SNX29: variants seen among roughly 807,000 people sequenced by gnomAD.
SNX29 encodes sorting nexin-29.
SNX29 carries 78 observed loss-of-function variants against 102.1 expected under a neutral mutation model. The observed-to-expected ratio is 0.76, with a 90% CI of 0.64 to 0.92. The LOEUF (loss-of-function observed/expected upper bound fraction) is 0.92, where lower values mean the gene tolerates loss of function less well. Ranked by LOEUF, SNX29 falls within the 40% of genes least tolerant of loss-of-function variation. The pLI, the probability that SNX29 is intolerant of heterozygous loss-of-function variation, is 0.00. For synonymous variants in SNX29, 580 were observed against 414.5 expected (o/e 1.40, Z -4.85); for missense variants, 1,280 against 1,061.7 (o/e 1.21, Z -2.86).
chr16:12,464,232 G>GTGTGTGTGTGTGTGTGTT (rs1332314643), intron 18 of SNX29, among the ~76,000 whole-genome samples: 39 of 151,160 alleles, frequency 2.6e-4, no homozygotes, highest in African/African-American at 9.0e-4. Flanking sequence ...TCCATGGCGT[G>GTGTGTGTGTGTGTGTGTT]TGTGTGTGTG....
At chr16:12,549,040 T>G (rs2077792329) in intron 20 of SNX29, among the ~76,000 whole-genome samples, 1 of 152,216 alleles carries the variant, frequency 6.6e-6, no homozygotes, top group African/African-American at 2.4e-5. Context: ...GTATCTTAGG[T>G]GAGTCCACTC....
intron 20 of SNX29, among the ~76,000 whole-genome samples, chr16:12,529,781 C>G (rs1030816699): frequency 6.6e-6 from 1 of 152,124 alleles, no homozygotes; most frequent in African/African-American, 2.4e-5. Context: ...TTACGTTTAG[C>G]TCAGCGATGC....
At chr16:12,563,871 C>T (rs1332426484) in intron 20 of SNX29, among the ~76,000 whole-genome samples, 2 of 152,242 alleles carry the variant, frequency 1.3e-5, no homozygotes, top group African/African-American at 2.4e-5. Context: ...CTCTCCCCAT[C>T]TCTAGCCCCT....
At chr16:12,161,562 G>T (rs2055786379) in intron 13 of SNX29, among the ~76,000 whole-genome samples, 1 of 152,156 alleles carries the variant, frequency 6.6e-6, no homozygotes, top group African/African-American at 2.4e-5. Context: ...ATACGGTTTG[G>T]ATGTTTGTTC....
At chr16:12,427,630 G>T (rs1206392720) in intron 18 of SNX29, among the ~76,000 whole-genome samples, 1 of 152,194 alleles carries the variant, frequency 6.6e-6, no homozygotes, top group African/African-American at 2.4e-5. Flanking sequence ...CATCGGCCAT[G>T]CTTGGAGGTT....
intron 19 of SNX29, among the ~76,000 whole-genome samples, chr16:12,498,847 G>C (rs1195682182): frequency 6.6e-6 from 1 of 152,168 alleles, no homozygotes; most frequent in Non-Finnish European, 1.5e-5. Flanking sequence ...GCTCAGTTCT[G>C]CTTGAAAGAT....
intron 14 of SNX29, among the ~76,000 whole-genome samples, chr16:12,211,311 C>A (rs2077177454): frequency 2.0e-5 from 3 of 152,114 alleles, no homozygotes; most frequent in Admixed American, 2.0e-4. Flanking sequence ...CAACCTTTTC[C>A]CACAAGGCCT....
rs1023200328 is a variant in SNX29 at position 12,572,451 on chromosome 16, G to A, written c.*3822G>A. ...GTGGCTGCCTCTCTTGGTTCTGCAT[G>A]GTACATTTTGCCAACCCTGAGGACC... On this transcript the variant is annotated 3_prime_UTR_variant, in exon 21 of 21. Transcript: ENST00000566228. 2 of 1,063,434 alleles carry A rather than the reference G, an allele frequency of 1.9e-6. No individual in the cohort carries two copies. Among genetic ancestry groups the A allele is most frequent in the Admixed American group, 5.4e-5 (1 of 18,658 alleles). The allele number at this position is 1,063,434 out of a possible 1,614,324, so 65.9% of individuals were successfully genotyped here.
intron 3 of SNX29, among the ~76,000 whole-genome samples, chr16:12,013,542 T>TAGAGAGAGAGAGAGAGAGAG (rs1382498593): frequency 6.4e-5 from 7 of 109,074 alleles, no homozygotes; most frequent in African/African-American, 2.1e-4. Flanking sequence ...TATATATATA[T>TAGAGAGAGAGAGAGAGAGAG]CGAGAGAGGA....
intron 16 of SNX29, chr16:12,372,401 C>A (rs1488436739): frequency 6.6e-6 from 1 of 152,164 alleles, no homozygotes; most frequent in Non-Finnish European, 1.5e-5. Flanking sequence ...CCCCTCTGGA[C>A]CGCTCACTTT....
intron 4 of SNX29, among the ~76,000 whole-genome samples, chr16:12,029,959 GT>G (rs1299839793): frequency 6.6e-6 from 1 of 152,198 alleles, no homozygotes; most frequent in Non-Finnish European, 1.5e-5. Context: ...CAATTACAAG[GT>G]GATCGGGGCC....
chr16:12,054,657 C>A (rs1051273621), intron 8 of SNX29, among the ~76,000 whole-genome samples: 2 of 152,228 alleles, frequency 1.3e-5, no homozygotes, highest in South Asian at 4.1e-4. Context: ...CCCCAGCTTT[C>A]CTGGGTCTTC....
At chr16:12,485,857 A>G (rs1035608965) in intron 19 of SNX29, among the ~76,000 whole-genome samples, 26 of 152,212 alleles carry the variant, frequency 1.7e-4, no homozygotes, top group African/African-American at 6.3e-4. Context: ...TTCCTGCAGG[A>G]GGCGAAATGC....
chr16:12,539,883 G>T (rs943763193), intron 20 of SNX29, among the ~76,000 whole-genome samples: 1 of 152,186 alleles, frequency 6.6e-6, no homozygotes, highest in African/African-American at 2.4e-5. Context: ...TAGAAACTAG[G>T]CTGTTTGTGG....
chr16:12,013,418 G>A (rs1476186642), intron 3 of SNX29, among the ~76,000 whole-genome samples: 3 of 140,688 alleles, frequency 2.1e-5, no homozygotes, highest in Admixed American at 7.4e-5. Flanking sequence ...CTGAGTGGGG[G>A]ACAGATTGCT....
Position 12,052,181 on chromosome 16 carries a change from A to G in SNX29, c.1083A>G (p.Ser361=). ...DENEDDVYGN[S]SGRKHRGHSE... ...ACGAAGATGACGTGTATGGAAACTC[A>G]TCAGGAAGGAAGCACAGGGGCCACT... The change falls in exon 8 of 21, where the codon TCA becomes TCG. Residue 361 remains serine (S), a synonymous_variant. Coordinates refer to ENST00000566228, the MANE Select transcript of SNX29 (RefSeq NM_032167.5). 6 of 1,613,650 alleles carry G rather than the reference A, an allele frequency of 3.7e-6. No homozygotes were observed. Among genetic ancestry groups the G allele is most frequent in the Non-Finnish European group, 5.1e-6 (6 of 1,179,566 alleles).
intron 9 of SNX29, among the ~76,000 whole-genome samples, chr16:12,063,872 C>T (rs897953663): frequency 6.6e-6 from 1 of 151,966 alleles, no homozygotes; most frequent in Non-Finnish European, 1.5e-5. Flanking sequence ...CTAGACCATC[C>T]ATGGTCCAAA....
At chr16:12,308,414 A>G (rs1014525578) in intron 15 of SNX29, among the ~76,000 whole-genome samples, 8 of 152,066 alleles carry the variant, frequency 5.3e-5, no homozygotes, top group Admixed American at 1.3e-4. Flanking sequence ...GCAGGGATCA[A>G]CCTCTTAGTA....
chr16:12,555,468 T>C (rs981484172), intron 20 of SNX29, among the ~76,000 whole-genome samples: 4 of 151,130 alleles, frequency 2.6e-5, no homozygotes, highest in African/African-American at 7.4e-5. Flanking sequence ...CTAGTTGACA[T>C]GTCTGAGGAC....
Sources: allele counts gnomAD v4.1 joint callset (sites outside exome capture counted in the v4.1 genomes callset), GRCh38; gene constraint gnomAD v4.1.1; transcripts MANE v1.5; gene names NCBI Gene and HGNC (gene_info 2026-07-23, HGNC 2026-07-21).